Variants in PTGER3 observed in about 807,000 individuals in gnomAD.
PTGER3 encodes the protein prostaglandin E receptor 3.
PTGER3 carries 22 observed loss-of-function variants against 34.7 expected under a neutral mutation model. That is an observed-to-expected ratio of 0.63 (90% CI 0.45 to 0.91). The LOEUF is 0.91. Among genes scored for constraint, PTGER3 ranks in the 40% least tolerant of loss-of-function variants. The pLI, the probability that PTGER3 is intolerant of heterozygous loss-of-function variation, is 0.00. For missense variants in PTGER3, 468 were observed against 519.4 expected (o/e 0.90, Z 0.96); for synonymous variants, 241 against 230.1 (o/e 1.05, Z -0.43).
At chr1:70,863,904 T>A (rs1645984826) in intron 4 of PTGER3, among the ~76,000 whole-genome samples, 1 of 152,100 alleles carries the variant, frequency 6.6e-6, no homozygotes, top group Non-Finnish European at 1.5e-5. Flanking sequence ...TATTGGGACA[T>A]GAAAAACAAC....
At chr1:70,862,898 T>A (rs1645958355) in intron 4 of PTGER3, among the ~76,000 whole-genome samples, 1 of 152,132 alleles carries the variant, frequency 6.6e-6, no homozygotes, top group African/African-American at 2.4e-5. Flanking sequence ...GATGGCACAA[T>A]AGATCTTTCA....
At chr1:70,953,156 C>T (rs1283946393) in intron 3 of PTGER3, 1 of 1,046,720 alleles carries the variant, frequency 9.6e-7, no homozygotes, top group Admixed American at 3.0e-5. Context: ...AGTATAATCA[C>T]TATTTATACA....
At chr1:70,929,339 G>T (rs17090681) in intron 4 of PTGER3, among the ~76,000 whole-genome samples, 13,647 of 152,094 alleles carry the variant, frequency 0.09, 759 homozygotes, top group African/African-American at 0.13. Context: ...AAATCTTGTG[G>T]CTAGCTTTTG....
intron 2 of PTGER3, among the ~76,000 whole-genome samples, chr1:71,005,539 G>T (rs1332782667): frequency 1.3e-5 from 2 of 152,136 alleles, no homozygotes; most frequent in Admixed American, 6.5e-5. Flanking sequence ...CCCCTACCAG[G>T]TTATAAATTC....
intron 2 of PTGER3, among the ~76,000 whole-genome samples, chr1:70,990,960 AG>A (rs1257100292): frequency 5.9e-5 from 9 of 152,224 alleles, no homozygotes; most frequent in Non-Finnish European, 1.0e-4. Flanking sequence ...AAAAGAAAGC[AG>A]GTTATTTGAA....
chr1:70,939,153 G>A (rs941090353), intron 4 of PTGER3, among the ~76,000 whole-genome samples: 7 of 152,128 alleles, frequency 4.6e-5, no homozygotes, highest in African/African-American at 1.2e-4. Context: ...TTCGGGAACC[G>A]TGCAAGTCCA....
intron 2 of PTGER3, among the ~76,000 whole-genome samples, chr1:70,981,690 T>C (rs938548177): frequency 1.3e-5 from 2 of 152,110 alleles, no homozygotes; most frequent in South Asian, 4.1e-4. Context: ...ATTACAGGCA[T>C]GAGCCACTGT....
chr1:70,874,906 T>C (rs1646242754), intron 4 of PTGER3, among the ~76,000 whole-genome samples: 1 of 152,152 alleles, frequency 6.6e-6, no homozygotes, highest in South Asian at 2.1e-4. Flanking sequence ...TTGACCATAA[T>C]ACATTCTAAA....
chr1:70,987,988 T>G (rs1655082079), intron 2 of PTGER3, among the ~76,000 whole-genome samples: 1 of 152,294 alleles, frequency 6.6e-6, no homozygotes, highest in South Asian at 2.1e-4. Context: ...ATGTAGTTTG[T>G]GGTTATGAAG....
At chr1:70,933,807 G>A (rs1023336313) in intron 4 of PTGER3, among the ~76,000 whole-genome samples, 1 of 152,096 alleles carries the variant, frequency 6.6e-6, no homozygotes, top group Non-Finnish European at 1.5e-5. Flanking sequence ...ACTTTGGAAG[G>A]GGTAATGGAA....
At chr1:70,867,395 T>G (rs1646065572) in intron 4 of PTGER3, among the ~76,000 whole-genome samples, 1 of 152,188 alleles carries the variant, frequency 6.6e-6, no homozygotes, top group African/African-American at 2.4e-5. Context: ...ATTAAAACCT[T>G]CAAAGAAATC....
intron 2 of PTGER3, among the ~76,000 whole-genome samples, chr1:71,000,079 G>A (rs1370984405): frequency 1.3e-5 from 2 of 152,208 alleles, no homozygotes; most frequent in Non-Finnish European, 2.9e-5. Flanking sequence ...GTTTGAAAAT[G>A]TCCAGACATT....
rs1657357891 is a variant in PTGER3, at chr1:71,010,655, C to T, written c.1077+1650G>A. 4 of 984,208 alleles carry T rather than the reference C, an allele frequency of 4.1e-6. No individual in the cohort carries two copies. In the South Asian group the frequency reaches 1.4e-4, roughly 35 times the overall value. The allele number at this position is 984,208 out of a possible 1,614,324, so 61.0% of individuals were successfully genotyped here. ...GTCTTATACCCAATGAGATGACCTA[C>T]AGGATAATCCAATTCTATGGCATAG... On this transcript the variant is annotated intron_variant, in intron 2 of 3. Transcript: ENST00000306666.
intron 1 of PTGER3, among the ~76,000 whole-genome samples, chr1:71,016,388 A>G (rs533271170): frequency 5.9e-5 from 9 of 152,320 alleles, no homozygotes; most frequent in East Asian, 1.9e-4. Flanking sequence ...AGAATATAAG[A>G]TACTTTATAT....
Position 71,046,964 on chromosome 1 carries a change from C to G in PTGER3, c.614G>C (p.Gly205Ala). The G allele has an allele frequency of 6.2e-7, 1 of 1,611,440 alleles. No individual in the cohort carries two copies. Among genetic ancestry groups the G allele is most frequent in the South Asian group, 1.1e-5 (1 of 90,762 alleles). Residue 205 changes from glycine to alanine, a missense_variant, in exon 1 of 4, where the codon GGG becomes GCG. By Grantham distance (60) the Gly-to-Ala change is moderately conservative (BLOSUM62 0). Transcript: ENST00000306666. Reference sequence around the variant, plus strand: ...CCCGGTGCTGATGAAGCACCACGTCCCGGGCCACTGGACGGTGTACTGGCC... The same window carrying G: ...CCCGGTGCTGATGAAGCACCACGTCGCGGGCCACTGGACGGTGTACTGGCC... ...GVGQYTVQWP[G>A]TWCFISTGRG... is the part of the protein sequence containing the mutation.
At chr1:70,870,244 G>A (rs544076650) in intron 4 of PTGER3, among the ~76,000 whole-genome samples, 13 of 152,292 alleles carry the variant, frequency 8.5e-5, no homozygotes, top group African/African-American at 3.1e-4. Flanking sequence ...GGCTAGTGCT[G>A]GAGCAGCCAG....
intron 4 of PTGER3, among the ~76,000 whole-genome samples, chr1:70,854,610 G>C (rs1178202844): frequency 2.0e-5 from 3 of 151,986 alleles, no homozygotes; most frequent in Admixed American, 2.0e-4. Flanking sequence ...CCCTTCTCTC[G>C]GTCTCTATCC....
chr1:70,880,674 A>G (rs1646371124), intron 4 of PTGER3, among the ~76,000 whole-genome samples: 1 of 150,086 alleles, frequency 6.7e-6, no homozygotes, highest in Non-Finnish European at 1.5e-5. Context: ...TGAGTGAAAG[A>G]GCAAGACTCT....
At chr1:70,957,675 T>C (rs1651484698) in intron 2 of PTGER3, among the ~76,000 whole-genome samples, 2 of 152,204 alleles carry the variant, frequency 1.3e-5, no homozygotes, top group African/African-American at 4.8e-5. Flanking sequence ...ATATCCATCA[T>C]TTTAGACATT....
Sources: allele counts gnomAD v4.1 joint callset (sites outside exome capture counted in the v4.1 genomes callset), GRCh38; gene constraint gnomAD v4.1.1; transcripts MANE v1.5; gene names NCBI Gene and HGNC (gene_info 2026-07-23, HGNC 2026-07-21).